Variants in THADA observed in about 807,000 individuals in gnomAD.
THADA encodes tRNA (32-2'-O)-methyltransferase regulator THADA.
In THADA, 213 loss-of-function variants were observed where a neutral mutation model predicts 219.8. That is an observed-to-expected ratio of 0.97 (90% confidence interval 0.87 to 1.09). The LOEUF is 1.09. THADA is among the 50% of genes least tolerant of loss of function. The pLI, the probability that THADA is intolerant of heterozygous loss-of-function variation, is 0.00. For synonymous variants in THADA, 1,018 were observed against 828.9 expected, an observed-to-expected ratio of 1.23 and a Z score of -3.92; for missense variants, 2,956 against 2,311.3, an observed-to-expected ratio of 1.28 and a Z score of -5.72.
intron 25 of THADA, among the ~76,000 whole-genome samples, chr2:43,489,054 C>T (rs1385624533): frequency 1.3e-5 from 2 of 152,134 alleles, no homozygotes; most frequent in African/African-American, 4.8e-5. Context: ...CTGGACACTC[C>T]ACTCTTATCA....
intron 21 of THADA, among the ~76,000 whole-genome samples, chr2:43,528,403 T>TAC (rs1381018486): frequency 6.6e-6 from 1 of 152,200 alleles, no homozygotes; most frequent in Non-Finnish European, 1.5e-5. Context: ...GTGCTGGGAT[T>TAC]ACATGCGTGA....
rs77068993 is a variant in THADA at position 43,587,474 on chromosome 2, T to C, written c.303-472A>G. Reference sequence around the variant, plus strand: ...TGATCTTTGTTCACTTAGCTCTAGCTACATGGCCTTGCTCTGTTCTGACAT... The same window carrying C: ...TGATCTTTGTTCACTTAGCTCTAGCCACATGGCCTTGCTCTGTTCTGACAT... On this transcript the variant is annotated intron_variant, in intron 4 of 37. Transcript: ENST00000405975. Among the ~76,000 whole-genome samples, 142 of 152,330 alleles carry C rather than the reference T, an allele frequency of 9.3e-4. 1 individual carries two copies. Among genetic ancestry groups the C allele is most frequent in the African/African-American group, 3.2e-3 (134 of 41,576 alleles).
intron 29 of THADA, among the ~76,000 whole-genome samples, chr2:43,371,343 G>T (rs1373697683): frequency 6.6e-6 from 1 of 152,144 alleles, no homozygotes; most frequent in East Asian, 1.9e-4. Context: ...TGTATAGCTT[G>T]ATGAGTTTTT....
At chr2:43,463,676 T>A (rs1208458087) in intron 26 of THADA, among the ~76,000 whole-genome samples, 1 of 151,102 alleles carries the variant, frequency 6.6e-6, no homozygotes, top group Non-Finnish European at 1.5e-5. Flanking sequence ...AAAACAAATG[T>A]TACATTTACT....
At chr2:43,243,291 C>A (rs115501524) in intron 36 of THADA, among the ~76,000 whole-genome samples, 13 of 152,244 alleles carry the variant, frequency 8.5e-5, no homozygotes, top group African/African-American at 3.1e-4. Context: ...TACATCTGCC[C>A]GTGTCTGGAG....
At chr2:43,549,777 GA>G (rs1007392677) in intron 19 of THADA, among the ~76,000 whole-genome samples, 10 of 151,034 alleles carry the variant, frequency 6.6e-5, no homozygotes, top group African/African-American at 1.5e-4. Flanking sequence ...CAGAAAAGTA[GA>G]AAAAAATCAA....
At chr2:43,572,662 C>T in intron 12 of THADA, among the ~76,000 whole-genome samples, 152 bp downstream of exon 12, 1 of 152,176 alleles carries the variant, frequency 6.6e-6, no homozygotes, top group African/African-American at 2.4e-5. Context: ...AAAGGGCCTA[C>T]TGAAAGTTTA....
At chr2:43,293,898 G>A (rs1675045468) in intron 31 of THADA, among the ~76,000 whole-genome samples, 1 of 152,152 alleles carries the variant, frequency 6.6e-6, no homozygotes, top group Admixed American at 6.5e-5. Context: ...CCAATAGGCT[G>A]GATCACAAAT....
At chr2:43,348,147 T>C (rs1417396529) in intron 29 of THADA, among the ~76,000 whole-genome samples, 1 of 152,186 alleles carries the variant, frequency 6.6e-6, no homozygotes, top group Non-Finnish European at 1.5e-5. Flanking sequence ...CTTTATGAAT[T>C]GGGATATTTC....
chr2:43,309,776 C>T (rs1322728540), intron 31 of THADA, among the ~76,000 whole-genome samples: 1 of 152,140 alleles, frequency 6.6e-6, no homozygotes, highest in Non-Finnish European at 1.5e-5. Flanking sequence ...TTCTATTCAA[C>T]ACTGTATTGG....
intron 31 of THADA, among the ~76,000 whole-genome samples, chr2:43,308,744 T>G (rs1220395079): frequency 1.1e-5 from 1 of 87,692 alleles, no homozygotes; most frequent in East Asian, 2.4e-4. Context: ...TGCTGAAACA[T>G]TGGATACCCA....
At chr2:43,589,203 G>A (rs371249077) in intron 4 of THADA, among the ~76,000 whole-genome samples, 2 of 152,058 alleles carry the variant, frequency 1.3e-5, no homozygotes, top group Non-Finnish European at 2.9e-5. Flanking sequence ...TTCACAACAG[G>A]CAAGCAGTGG....
intron 36 of THADA, among the ~76,000 whole-genome samples, chr2:43,269,334 G>A (rs1014893509): frequency 6.6e-6 from 1 of 152,184 alleles, no homozygotes; most frequent in African/African-American, 2.4e-5. Flanking sequence ...TCATTTCCTC[G>A]AAAGGAGCCT....
chr2:43,291,478 A>AAAAAAAAAAAAAAAAAAAAAAAAAAAAC (rs1674709972), intron 34 of THADA, among the ~76,000 whole-genome samples: 1 of 149,000 alleles, frequency 6.7e-6, no homozygotes, highest in Non-Finnish European at 1.5e-5. Context: ...AAAAAAAAAA[A>AAAAAAAAAAAAAAAAAAAAAAAAAAAAC]AAAATCCTAA....
intron 9 of THADA, among the ~76,000 whole-genome samples, chr2:43,577,967 A>C (rs971982844): frequency 1.1e-4 from 16 of 152,174 alleles, no homozygotes; most frequent in Non-Finnish European, 2.2e-4. Context: ...AAGAATGTAC[A>C]TCAAAAATGT....
chr2:43,581,647 G>GT, intron 8 of THADA, 94 bp downstream of exon 8: 1 of 1,073,906 alleles, frequency 9.3e-7, no homozygotes, highest in Non-Finnish European at 1.3e-6. Flanking sequence ...TCTCAGTTAA[G>GT]TATCACATTT....
chr2:43,268,277 C>G (rs1200697785), intron 36 of THADA, among the ~76,000 whole-genome samples: 2 of 152,312 alleles, frequency 1.3e-5, no homozygotes, highest in African/African-American at 4.8e-5. Context: ...ATCCCATTCT[C>G]CTCCTAACGC....
intron 23 of THADA, among the ~76,000 whole-genome samples, chr2:43,506,958 T>C (rs1333843794): frequency 6.6e-6 from 1 of 152,198 alleles, no homozygotes; most frequent in Non-Finnish European, 1.5e-5. Context: ...AGATAACATA[T>C]ATTTTTTAAA....
intron 4 of THADA, among the ~76,000 whole-genome samples, chr2:43,589,675 CT>C (rs1701352163): frequency 6.6e-6 from 1 of 152,064 alleles, no homozygotes; most frequent in South Asian, 2.1e-4. Context: ...CCTTTGGAGA[CT>C]CAGGGGAAAG....
Sources: gnomAD v4.1 joint callset for allele counts (sites outside exome capture counted in the v4.1 genomes callset) on GRCh38, gnomAD v4.1.1 for gene constraint, MANE v1.5 for transcripts, NCBI Gene and HGNC (gene_info 2026-07-23, HGNC 2026-07-21) for gene names.